Variants in FBXO16 observed in about 807,000 individuals in gnomAD.
The protein encoded by FBXO16 is F-box protein 16.
A neutral mutation model predicts 41.0 loss-of-function variants in FBXO16; 31 were observed. The observed-to-expected ratio is 0.76, with a 90% CI of 0.57 to 1.02. FBXO16 has a LOEUF of 1.02. FBXO16 is among the 50% of genes least tolerant of loss of function. The probability of loss-of-function intolerance (pLI) is 0.00; values close to 1 mark genes in which losing one functional copy is unlikely to be tolerated. For missense variants in FBXO16, 361 were observed against 346.2 expected (o/e 1.04, Z -0.34); for synonymous variants, 133 against 117.8 (o/e 1.13, Z -0.84).
At chr8:28,448,235 G>A (rs1245484384) in intron 6 of FBXO16, among the ~76,000 whole-genome samples, 1 of 151,640 alleles carries the variant, frequency 6.6e-6, no homozygotes, top group African/African-American at 2.4e-5. Context: ...CAGCTACTCA[G>A]GAGGCTGAGG....
chr8:28,478,892 A>T (rs1803465493), intron 2 of FBXO16, among the ~76,000 whole-genome samples: 1 of 151,116 alleles, frequency 6.6e-6, no homozygotes, highest in African/African-American at 2.4e-5. Context: ...TGATTGGATC[A>T]TGGGGGCGGT....
chr8:28,464,269 GA>G (rs1803196317), intron 3 of FBXO16, among the ~76,000 whole-genome samples: 4 of 152,210 alleles, frequency 2.6e-5, no homozygotes. Flanking sequence ...CCCTCAGAAG[GA>G]AAGTATATTG....
intron 7 of FBXO16, among the ~76,000 whole-genome samples, chr8:28,430,967 A>G (rs760591070): frequency 2.1e-4 from 32 of 152,142 alleles, no homozygotes; most frequent in Middle Eastern, 3.2e-3. Flanking sequence ...GTGAAACTCC[A>G]TCTCAAAAAA....
rs181267971 is a variant in FBXO16, at chr8:28,488,442, T to A, written c.-17+1744A>T. On this transcript the variant is annotated intron_variant, in intron 1 of 8. Transcript: ENST00000380254. ...TCCCAAGTAGCAGAGAATATAGGTG[T>A]GCACCACCACACCTGGCTAATTTTT... Among the ~76,000 whole-genome samples, 153 of 151,116 alleles carry A rather than the reference T, an allele frequency of 1.0e-3. 2 individuals carry two copies. The highest frequency in any genetic ancestry group is 3.4e-3 in the African/African-American group (140 of 41,224).
intron 1 of FBXO16, among the ~76,000 whole-genome samples, chr8:28,485,677 A>C (rs562893006): frequency 3.3e-5 from 5 of 152,318 alleles, no homozygotes; most frequent in Admixed American, 1.3e-4. Context: ...GGGCACTCAG[A>C]TCAGCACTCA....
At chr8:28,469,515 A>G (rs970053319) in intron 3 of FBXO16, among the ~76,000 whole-genome samples, 1 of 152,260 alleles carries the variant, frequency 6.6e-6, no homozygotes, top group East Asian at 1.9e-4. Context: ...ATGCATTTCT[A>G]TACATTCACA....
intron 2 of FBXO16, among the ~76,000 whole-genome samples, chr8:28,474,343 AAAAAAAAAAAGAG>A: frequency 1.5e-5 from 2 of 131,678 alleles, no homozygotes; most frequent in African/African-American, 5.5e-5. Flanking sequence ...AAAAAAAAAA[AAAAAAAAAAAGAG>A]AGAGAAAGAA....
At chr8:28,462,360 G>C (rs1205941236) in intron 4 of FBXO16, among the ~76,000 whole-genome samples, 1 of 149,718 alleles carries the variant, frequency 6.7e-6, no homozygotes, top group Non-Finnish European at 1.5e-5. Context: ...CTTACTGCAA[G>C]CTCTGCCTCC....
At chr8:28,460,373 T>C (rs61502182) in intron 4 of FBXO16, among the ~76,000 whole-genome samples, 35,106 of 138,892 alleles carry the variant, frequency 0.25, 4,977 homozygotes, top group East Asian at 0.49. Context: ...CCTGCCTTAC[T>C]TAGCCTCTCA....
intron 5 of FBXO16, among the ~76,000 whole-genome samples, chr8:28,454,429 T>TA (rs1803003949): frequency 6.6e-6 from 1 of 151,504 alleles, no homozygotes; most frequent in Non-Finnish European, 1.5e-5. Context: ...TAGTTATATG[T>TA]AAAAAATCAT....
intron 2 of FBXO16, among the ~76,000 whole-genome samples, chr8:28,478,821 C>CAAAAAAAAAAAAAAAAAA (rs35959759): frequency 1.7e-5 from 2 of 117,794 alleles, no homozygotes; most frequent in African/African-American, 6.5e-5. Flanking sequence ...ATTCTGTCTC[C>CAAAAAAAAAAAAAAAAAA]AAAAAAAAAA....
chr8:28,453,246 G>C (rs1018870176), intron 5 of FBXO16, among the ~76,000 whole-genome samples: 10 of 149,330 alleles, frequency 6.7e-5, no homozygotes, highest in Non-Finnish European at 1.5e-5. Context: ...GGACTGTCTT[G>C]CTTCAAGCCC....
intron 1 of FBXO16, among the ~76,000 whole-genome samples, chr8:28,488,403 T>G (rs1335868069): frequency 6.7e-6 from 1 of 148,672 alleles, no homozygotes; most frequent in African/African-American, 2.5e-5. Flanking sequence ...CTCAAGCAAT[T>G]CTCCATGTCA....
chr8:28,450,969 T>TA (rs1452529845), intron 6 of FBXO16, among the ~76,000 whole-genome samples: 2 of 152,184 alleles, frequency 1.3e-5, no homozygotes, highest in Admixed American at 6.5e-5. Context: ...TAGCAATTTT[T>TA]AAAAAATGCC....
At chr8:28,486,231 CTT>C (rs77530234) in intron 1 of FBXO16, among the ~76,000 whole-genome samples, 105 of 144,436 alleles carry the variant, frequency 7.3e-4, no homozygotes, top group African/African-American at 1.8e-3. Flanking sequence ...TCTTCTTCTT[CTT>C]TTTTTTTTTT....
intron 2 of FBXO16, among the ~76,000 whole-genome samples, chr8:28,481,799 ACT>A (rs141216010): frequency 0.033 from 4,139 of 127,136 alleles, 211 homozygotes; most frequent in African/African-American, 0.12. Flanking sequence ...ACACAGTGAG[ACT>A]CTGTTTCAGG....
chr8:28,453,036 C>T (rs1802981995), intron 5 of FBXO16, among the ~76,000 whole-genome samples: 1 of 152,146 alleles, frequency 6.6e-6, no homozygotes, highest in Admixed American at 6.5e-5. Flanking sequence ...ATAGCAGCCA[C>T]CACTCCAGGA....
At chr8:28,460,221 G>C (rs1051679077) in intron 4 of FBXO16, among the ~76,000 whole-genome samples, 1 of 77,046 alleles carries the variant, frequency 1.3e-5, no homozygotes, top group Non-Finnish European at 2.2e-5. Context: ...ATATATATGT[G>C]TGTGTATATA....
chr8:28,470,561 A>G (rs1803318506), intron 3 of FBXO16, among the ~76,000 whole-genome samples: 1 of 152,240 alleles, frequency 6.6e-6, no homozygotes, highest in Non-Finnish European at 1.5e-5. Context: ...GTTTAAAAGT[A>G]TCTTCCTGCT....
Sources: gnomAD v4.1 joint callset for allele counts (sites outside exome capture counted in the v4.1 genomes callset) on GRCh38, gnomAD v4.1.1 for gene constraint, MANE v1.5 for transcripts, NCBI Gene and HGNC (gene_info 2026-07-23, HGNC 2026-07-21) for gene names.